Variants in AKAP11 observed in about 807,000 individuals in gnomAD.
AKAP11 encodes A-kinase anchoring protein 11.
AKAP11 carries 36 observed loss-of-function variants against 146.1 expected under a neutral mutation model. The ratio of observed to expected loss-of-function variants is 0.25; its 90% confidence interval spans 0.19 to 0.33. AKAP11 has a LOEUF of 0.33. Among genes scored for constraint, AKAP11 ranks in the 10% least tolerant of loss-of-function variants. AKAP11 has a pLI of 1.00. For missense variants in AKAP11, 2,201 were observed against 2,197.0 expected (o/e 1.00, Z -0.04); for synonymous variants, 780 against 786.5 (o/e 0.99, Z 0.14).
chr13:42,277,083 A>G (rs1958940847), intron 1 of AKAP11, among the ~76,000 whole-genome samples: 1 of 152,238 alleles, frequency 6.6e-6, no homozygotes, highest in Non-Finnish European at 1.5e-5. Context: ...TAGGTATTCA[A>G]TTACATAGCA....
intron 1 of AKAP11, among the ~76,000 whole-genome samples, chr13:42,278,767 G>C (rs1024416691): frequency 6.6e-6 from 1 of 152,128 alleles, no homozygotes; most frequent in African/African-American, 2.4e-5. Context: ...GTAAGATTCA[G>C]ATTTCCATCT....
At chr13:42,307,028 A>G (rs1272750326) in intron 8 of AKAP11, among the ~76,000 whole-genome samples, 1 of 152,142 alleles carries the variant, frequency 6.6e-6, no homozygotes, top group Non-Finnish European at 1.5e-5. Flanking sequence ...ATTCTAAGCT[A>G]TCATTCCGAG....
At position 42,293,372 on chromosome 13, in the gene AKAP11, G is replaced by A. The variant is rs181908596; in HGVS notation, c.168+871G>A. Among the ~76,000 whole-genome samples the A allele has an allele frequency of 4.5e-3, 690 of 152,148 alleles. 17 individuals are homozygous for A. The highest frequency in any genetic ancestry group is 1.6e-3 in the Non-Finnish European group (111 of 67,992). On this transcript the variant is annotated intron_variant, in intron 4 of 12. Coordinates refer to ENST00000025301, the MANE Select transcript of AKAP11 (RefSeq NM_016248.4). ...TTGGGGACTGTATGTATTCTCTTTC[G>A]GGTGGATGATTTTCTTAATATTCCT...
intron 9 of AKAP11, among the ~76,000 whole-genome samples, chr13:42,310,327 C>T (rs1461920112): frequency 6.6e-6 from 1 of 152,044 alleles, no homozygotes; most frequent in Non-Finnish European, 1.5e-5. Flanking sequence ...GTGGTGTGCT[C>T]GTTGCATATA....
chr13:42,313,095 G>C lies in AKAP11; in HGVS notation c.5322G>C (p.Leu1774Phe). The C allele has an allele frequency of 6.2e-7, 1 of 1,613,412 alleles. No homozygotes were observed. The highest frequency in any genetic ancestry group is 8.5e-7 in the Non-Finnish European group (1 of 1,179,790). Residue 1774 changes from leucine (L) to phenylalanine (F), a missense_variant, in exon 10 of 13, where the codon TTG becomes TTC. Coordinates refer to ENST00000025301, the MANE Select transcript of AKAP11 (RefSeq NM_016248.4). Reference protein sequence around the residue: ...SWSSLGLEGDLYEDNLSFPTS... With the variant: ...SWSSLGLEGDFYEDNLSFPTS... ...GCAGTCTTGGTTTAGAAGGAGATTT[G>C]TATGAGGACAATTTATCCTTTCCAA...
chr13:42,310,425 A>G (rs74054618), intron 9 of AKAP11, among the ~76,000 whole-genome samples: 1,927 of 152,340 alleles, frequency 0.013, 37 homozygotes, highest in African/African-American at 0.044. Context: ...AGCATCACAG[A>G]TGATTTCAGT....
Position 42,299,597 on chromosome 13 carries a change from C to T in AKAP11, c.851C>T (p.Ser284Leu), listed in dbSNP as rs778288568. 2.5e-6 allele frequency: 4 copies of T among 1,613,952 alleles called. No individual in the cohort carries two copies. The highest frequency in any genetic ancestry group is 3.4e-6 in the Non-Finnish European group (4 of 1,179,888). The change falls in exon 8 of 13, where the codon TCA (serine) becomes TTA (leucine). Residue 284 changes from serine to leucine, a missense_variant. Ser to Leu is a moderately radical substitution (Grantham distance 145). Around this residue, in one of 3 missense-constraint regions of AKAP11, gnomAD observed 331 missense variants for 347.4 expected, o/e 0.95. Transcript: ENST00000025301. ...EPWTQRSFYR[S>L]SNASDKDSDL... Reference sequence around the variant, plus strand: ...TGGACCCAAAGGAGTTTCTATAGGTCATCTAATGCTTCAGATAAAGATAGT... The same window carrying T: ...TGGACCCAAAGGAGTTTCTATAGGTTATCTAATGCTTCAGATAAAGATAGT...
rs1594333561 is a variant in AKAP11 at position 42,300,517 on chromosome 13, G to T, written c.1771G>T (p.Val591Phe). 6.2e-7 allele frequency: 1 copy of T among 1,614,088 alleles called. No individual in the cohort carries two copies. Among genetic ancestry groups the T allele is most frequent in the Non-Finnish European group, 8.5e-7 (1 of 1,179,976 alleles). Residue 591 changes from valine (V) to phenylalanine (F), a missense_variant, in exon 8 of 13, where the codon GTT (valine) becomes TTT (phenylalanine). Coordinates refer to ENST00000025301, the MANE Select transcript of AKAP11 (RefSeq NM_016248.4). ...CTTAGCCATCAAATTGACATCATCTGTTTTGCAGATGGCATTTGATGAGCT... is the reference window on the plus strand; with the variant it reads ...CTTAGCCATCAAATTGACATCATCTTTTTTGCAGATGGCATTTGATGAGCT... ...YHLAIKLTSS[V>F]LQMAFDELRR... is the part of the protein sequence containing the mutation.
rs1471829680 is a variant in AKAP11, at chr13:42,302,269, G to T, written c.3523G>T (p.Glu1175Ter). 1.2e-6 allele frequency: 2 copies of T among 1,614,216 alleles called. No homozygotes were observed. Among genetic ancestry groups the T allele is most frequent in the Non-Finnish European group, 8.5e-7 (1 of 1,180,038 alleles). Residue 1175 changes from glutamate (E) to a stop codon, truncating the protein, a stop_gained, in exon 8 of 13, where the codon GAG becomes TAG. Transcript: ENST00000025301. LOFTEE classifies it high-confidence loss of function. ...CATGCGATCTCTTTCTGAAGAAGTT[G>T]AGAGTAGTGAAAGTGGAGAGCTCCC... ...KLMRSLSEEV[E>*]SSESGELPEV...
At chr13:42,309,708 G>A (rs992128105) in intron 9 of AKAP11, among the ~76,000 whole-genome samples, 11 of 152,328 alleles carry the variant, frequency 7.2e-5, no homozygotes, top group African/African-American at 2.6e-4. Context: ...TGGGGGCAAT[G>A]TCACAAATCA....
intron 1 of AKAP11, among the ~76,000 whole-genome samples, chr13:42,277,692 C>T (rs569058759): frequency 2.0e-3 from 298 of 152,320 alleles, no homozygotes; most frequent in African/African-American, 6.9e-3. Context: ...TCTGCATTCA[C>T]GTCATTGATG....
intron 1 of AKAP11, among the ~76,000 whole-genome samples, chr13:42,280,174 T>C (rs949418592): frequency 1.3e-5 from 2 of 152,194 alleles, no homozygotes; most frequent in African/African-American, 4.8e-5. Context: ...TGTCCCTGTA[T>C]TGTGACCTGG....
chr13:42,316,143 A>C (rs1340563321), intron 11 of AKAP11, among the ~76,000 whole-genome samples: 1 of 152,214 alleles, frequency 6.6e-6, no homozygotes, highest in African/African-American at 2.4e-5. Flanking sequence ...GGAAGAGACA[A>C]TACATTTATT....
chr13:42,302,191 TTGTC>T lies in AKAP11; in HGVS notation c.3448_3451del (p.Ser1150ArgfsTer7). 6.2e-7 allele frequency: 1 copy of T among 1,614,168 alleles called. No individual in the cohort carries two copies. Among genetic ancestry groups the T allele is most frequent in the Non-Finnish European group, 8.5e-7 (1 of 1,180,012 alleles). On this transcript the variant is annotated frameshift_variant, in exon 8 of 13. Transcript: ENST00000025301. LOFTEE classifies it high-confidence loss of function. ...TCCACACAACTCATCTGTTGGTAGT[TTGTC>T]TGAGAATGAACAAAATACTATAGAA... is the stretch of plus-strand genomic sequence containing the variant.
intron 11 of AKAP11, among the ~76,000 whole-genome samples, chr13:42,315,472 A>G (rs1268615333): frequency 6.6e-6 from 1 of 152,202 alleles, no homozygotes; most frequent in Non-Finnish European, 1.5e-5. Context: ...ACATCTGTGA[A>G]CAGTTATTCT....
At chr13:42,311,761 GCTGT>G (rs1358561109) in intron 9 of AKAP11, among the ~76,000 whole-genome samples, 1 of 152,068 alleles carries the variant, frequency 6.6e-6, no homozygotes, top group African/African-American at 2.4e-5. Flanking sequence ...TTTGCTCACA[GCTGT>G]CTGTCCATTC....
chr13:42,289,146 T>TAA (rs1959187286), intron 3 of AKAP11, among the ~76,000 whole-genome samples: 1 of 152,210 alleles, frequency 6.6e-6, no homozygotes, highest in Non-Finnish European at 1.5e-5. Flanking sequence ...ATCCCTTGCT[T>TAA]ACTCTTTCCT....
chr13:42,310,884 T>C (rs1960529468), intron 9 of AKAP11, among the ~76,000 whole-genome samples: 1 of 150,964 alleles, frequency 6.6e-6, no homozygotes, highest in African/African-American at 2.4e-5. Flanking sequence ...ACTGTGACAA[T>C]TTGAAAACAC....
chr13:42,314,446 T>TA lies in AKAP11; in HGVS notation c.5404+530dup, dbSNP rs59968668. Among the ~76,000 whole-genome samples the TA allele has an allele frequency of 2.3e-3, 292 of 124,670 alleles. 2 individuals are homozygous for TA. The highest frequency in any genetic ancestry group is 0.016 in the South Asian group (59 of 3,776). 81.8% of individuals were successfully genotyped at this position (124,670 alleles called of 152,430 possible). ...GGTAACAGAGCCAGAGACTCTGACT[T>TA]AAAAAAAAAAAAAAAAAAAAAAAAG... On this transcript the variant is annotated intron_variant, in intron 11 of 12. Transcript: ENST00000025301.
Sources: allele counts gnomAD v4.1 joint callset (sites outside exome capture counted in the v4.1 genomes callset), GRCh38; gene constraint gnomAD v4.1.1; regional missense constraint gnomAD v4.1.1; transcripts MANE v1.5; gene names NCBI Gene and HGNC (gene_info 2026-07-23, HGNC 2026-07-21).